MAP4K4: variants seen among roughly 807,000 people sequenced by gnomAD.
The protein encoded by MAP4K4 is HPK/GCK-like kinase HGK.
MAP4K4 carries 38 observed loss-of-function variants against 189.6 expected under a neutral mutation model. That is an observed-to-expected ratio of 0.20 (90% confidence interval 0.15 to 0.26). The LOEUF is 0.26. MAP4K4 is among the 10% of genes least tolerant of loss of function. The pLI, the probability that MAP4K4 is intolerant of heterozygous loss-of-function variation, is 1.00. For synonymous variants in MAP4K4, 610 were observed against 624.3 expected (o/e 0.98, Z 0.34); for missense variants, 1,054 against 1,726.9 (o/e 0.61, Z 6.91).
chr2:101,729,707 G>T (rs2057527940), intron 2 of MAP4K4, among the ~76,000 whole-genome samples: 1 of 152,070 alleles, frequency 6.6e-6, no homozygotes, highest in African/African-American at 2.4e-5. Flanking sequence ...ACCCCTCCAG[G>T]TAGCTCCTCT....
intron 3 of MAP4K4, among the ~76,000 whole-genome samples, chr2:101,792,892 C>T (rs897847948): frequency 2.0e-5 from 3 of 152,136 alleles, no homozygotes; most frequent in Non-Finnish European, 4.4e-5. Flanking sequence ...CCTCAGCCTC[C>T]CAAAGTGCTG....
intron 2 of MAP4K4, among the ~76,000 whole-genome samples, chr2:101,747,757 A>C (rs1417821404): frequency 1.3e-5 from 2 of 152,198 alleles, no homozygotes. Flanking sequence ...ACCAGCAAAC[A>C]AACAAAACAG....
intron 2 of MAP4K4, among the ~76,000 whole-genome samples, chr2:101,737,294 AT>A (rs1297009687): frequency 6.6e-6 from 1 of 151,446 alleles, no homozygotes; most frequent in Non-Finnish European, 1.5e-5. Flanking sequence ...TGCCACCCTT[AT>A]TTTGGTGATG....
intron 2 of MAP4K4, among the ~76,000 whole-genome samples, chr2:101,699,268 C>T (rs2036704776): frequency 6.6e-6 from 1 of 152,270 alleles, no homozygotes; most frequent in South Asian, 2.1e-4. Flanking sequence ...TTTTAACACC[C>T]ACCCTCCACC....
At chr2:101,804,575 T>C (rs1189487878) in intron 3 of MAP4K4, among the ~76,000 whole-genome samples, 3 of 152,180 alleles carry the variant, frequency 2.0e-5, no homozygotes, top group Admixed American at 2.0e-4. Context: ...ACAGGAACCT[T>C]GTGCCAGTTT....
At chr2:101,785,706 C>CTTTTCCTTTTTTGAGTTGGAG (rs1558914088) in intron 2 of MAP4K4, among the ~76,000 whole-genome samples, 6 of 5,272 alleles carry the variant, frequency 1.1e-3, no homozygotes, top group East Asian at 0.015. Flanking sequence ...CTCTCTCTCT[C>CTTTTCCTTTTTTGAGTTGGAG]TCTCTCTCTC....
At chr2:101,768,474 A>G (rs142987309) in intron 2 of MAP4K4, among the ~76,000 whole-genome samples, 146 of 152,298 alleles carry the variant, frequency 9.6e-4, no homozygotes, top group Non-Finnish European at 1.4e-3. Flanking sequence ...TTGCTTAGGT[A>G]TTGTATGCTT....
At chr2:101,856,211 A>G in intron 13 of MAP4K4, 73 bp downstream of exon 13, 2 of 1,449,126 alleles carry the variant, frequency 1.4e-6, no homozygotes, top group South Asian at 2.6e-5. Flanking sequence ...GGATTTTTAG[A>G]AAGTATACAC....
exon 33 of MAP4K4, chr2:101,892,462 A>G (rs978409568): frequency 9.0e-5 from 15 of 166,208 alleles, no homozygotes; most frequent in African/African-American, 2.9e-4. Context: ...TGATGGGGCA[A>G]CTGCAGCCCA....
chr2:101,735,773 T>A (rs2060085321), intron 2 of MAP4K4, among the ~76,000 whole-genome samples: 1 of 152,112 alleles, frequency 6.6e-6, no homozygotes, highest in Admixed American at 6.5e-5. Flanking sequence ...TGGATGTTGT[T>A]GGATTAGGAG....
intron 2 of MAP4K4, among the ~76,000 whole-genome samples, chr2:101,755,731 A>G (rs983834475): frequency 2.0e-5 from 3 of 152,046 alleles, no homozygotes; most frequent in Admixed American, 6.6e-5. Flanking sequence ...CTCGAAATCA[A>G]TAGCTGATTT....
intron 2 of MAP4K4, among the ~76,000 whole-genome samples, chr2:101,716,323 G>A (rs1171035772): frequency 6.6e-6 from 1 of 152,022 alleles, no homozygotes; most frequent in Non-Finnish European, 1.5e-5. Flanking sequence ...GGTGCCTGTA[G>A]TCCCAGCTAC....
chr2:101,888,718 A>AT, intron 31 of MAP4K4, 78 bp from the exon 32 acceptor site: 1 of 1,043,104 alleles, frequency 9.6e-7, no homozygotes, highest in Non-Finnish European at 1.3e-6. Context: ...ATAAAAATAT[A>AT]TTTTTATTAA....
chr2:101,811,385 A>AAG (rs1424011977), intron 3 of MAP4K4, among the ~76,000 whole-genome samples: 4 of 141,044 alleles, frequency 2.8e-5, no homozygotes, highest in African/African-American at 1.1e-4. Flanking sequence ...AAAAAAAAAA[A>AAG]AAAAAAGAAT....
intron 29 of MAP4K4, among the ~76,000 whole-genome samples, chr2:101,886,375 A>T (rs1470217853): frequency 2.2e-5 from 2 of 92,474 alleles, no homozygotes; most frequent in Non-Finnish European, 4.3e-5. Flanking sequence ...TAGTCAGAAA[A>T]TTAGAGACCT....
At chr2:101,796,472 C>A (rs566882066) in intron 3 of MAP4K4, among the ~76,000 whole-genome samples, 1 of 152,286 alleles carries the variant, frequency 6.6e-6, no homozygotes, top group African/African-American at 2.4e-5. Context: ...CTCAGGAGTA[C>A]ATTGCTAATT....
chr2:101,859,923 A>T (rs1485481931), intron 15 of MAP4K4, 59 bp downstream of exon 15: 1 of 1,489,308 alleles, frequency 6.7e-7, no homozygotes, highest in Non-Finnish European at 9.2e-7. Context: ...ACGACTCTTC[A>T]GAACTGTGTC....
At chr2:101,742,365 A>G (rs902822853) in intron 2 of MAP4K4, among the ~76,000 whole-genome samples, 1 of 152,138 alleles carries the variant, frequency 6.6e-6, no homozygotes, top group Non-Finnish European at 1.5e-5. Flanking sequence ...GTGGCCTCTT[A>G]GGACTGGCGC....
chr2:101,823,211 TC>T (rs2096177854), intron 3 of MAP4K4, among the ~76,000 whole-genome samples: 1 of 152,148 alleles, frequency 6.6e-6, no homozygotes, highest in Admixed American at 6.5e-5. Flanking sequence ...TTTCCTTCAT[TC>T]CCCACCCTGA....
Sources: gnomAD v4.1 joint callset for allele counts (sites outside exome capture counted in the v4.1 genomes callset) on GRCh38, gnomAD v4.1.1 for gene constraint, MANE v1.5 for transcripts, NCBI Gene and HGNC (gene_info 2026-07-23, HGNC 2026-07-21) for gene names.